The following CFAP251 variants were observed in gnomAD, a reference collection of about 807,000 sequenced individuals.
CFAP251 encodes cilia and flagella associated protein 251.
A neutral mutation model predicts 126.7 loss-of-function variants in CFAP251; 93 were observed. The observed-to-expected ratio is 0.73, with a 90% confidence interval of 0.62 to 0.87. The LOEUF is 0.87. Among genes scored for constraint, CFAP251 ranks in the 40% least tolerant of loss-of-function variants. The pLI, the probability that CFAP251 is intolerant of heterozygous loss-of-function variation, is 0.00. For synonymous variants in CFAP251, 503 were observed against 506.9 expected (o/e 0.99, Z 0.10); for missense variants, 1,287 against 1,389.2 (o/e 0.93, Z 1.17).
chr12:121,992,975 C>T (rs61952869), intron 19 of CFAP251, among the ~76,000 whole-genome samples: 1 of 121,128 alleles, frequency 8.3e-6, no homozygotes, highest in African/African-American at 3.3e-5. Context: ...CTCCCTCTCC[C>T]TCTCCGTCTC....
At chr12:121,927,602 CCT>C (rs918203219) in intron 3 of CFAP251, among the ~76,000 whole-genome samples, 20 of 152,130 alleles carry the variant, frequency 1.3e-4, no homozygotes, top group Admixed American at 4.6e-4. Context: ...CAGCCCACTT[CCT>C]CTTTTTAAAT....
intron 15 of CFAP251, among the ~76,000 whole-genome samples, chr12:121,962,423 A>C (rs1881972426): frequency 6.6e-6 from 1 of 152,140 alleles, no homozygotes; most frequent in South Asian, 2.1e-4. Context: ...GCTATCTCCT[A>C]TTCTCCTCTC....
chr12:121,951,336 C>T, intron 8 of CFAP251, 144 bp from the exon 9 acceptor site: 6 of 471,880 alleles, frequency 1.3e-5, no homozygotes, highest in East Asian at 6.1e-5. Flanking sequence ...TTAGATATTT[C>T]CCAAGACAGC....
intron 7 of CFAP251, 122 bp from the exon 8 acceptor site, chr12:121,948,860 GTA>G: frequency 1.8e-6 from 1 of 550,766 alleles, no homozygotes; most frequent in Non-Finnish European, 3.1e-6. Context: ...ACGAAATGCG[GTA>G]TCTTTTCTGT....
chr12:122,001,975 C>T (rs376703966), intron 21 of CFAP251: 111 of 237,342 alleles, frequency 4.7e-4, no homozygotes, highest in African/African-American at 2.2e-3. Context: ...GTAATTCCAG[C>T]ACTTTGGGAG....
chr12:121,993,912 C>T (rs1413671080), intron 19 of CFAP251, among the ~76,000 whole-genome samples: 25 of 109,872 alleles, frequency 2.3e-4, no homozygotes, highest in Admixed American at 6.0e-4. Flanking sequence ...TCTGCCCGGC[C>T]GCCCCTACTG....
chr12:121,960,867 G>T, intron 14 of CFAP251, 109 bp downstream of exon 14: 1 of 1,286,446 alleles, frequency 7.8e-7, no homozygotes, highest in East Asian at 2.4e-5. Context: ...GTTTGTTGGA[G>T]AAAATGAATG....
chr12:121,934,374 A>C lies in CFAP251; in HGVS notation c.998+18A>C. On this transcript the variant is annotated intron_variant, in intron 5 of 21. Coordinates refer to ENST00000288912, the MANE Select transcript of CFAP251 (RefSeq NM_144668.6). ...TTCACAGGGTAGGCTTTGTGTAGCC[A>C]CTTCTTTTTTCCCTGAATTTCTGTA... The C allele has an allele frequency of 6.3e-7, 1 of 1,585,038 alleles. No individual in the cohort carries two copies. The highest frequency in any genetic ancestry group is 1.7e-5 in the Admixed American group (1 of 59,334).
At position 121,964,258 on chromosome 12, in the gene CFAP251, C is replaced by T. The variant is rs577978015; in HGVS notation, c.2492+2096C>T. Among the ~76,000 whole-genome samples, 7 of 152,288 alleles carry T rather than the reference C, an allele frequency of 4.6e-5. No homozygotes were observed. The South Asian group carries it at 1.4e-3, about 32-fold the overall frequency. ...TTATGGTAGAGAGAAAAATCCAGGACAGTTTCCTTAAACGATTAAAACACT... is the reference window on the plus strand; with the variant it reads ...TTATGGTAGAGAGAAAAATCCAGGATAGTTTCCTTAAACGATTAAAACACT... On this transcript the variant is annotated intron_variant, in intron 15 of 21. Transcript: ENST00000288912.
intron 11 of CFAP251, 129 bp downstream of exon 11, chr12:121,957,397 T>C: frequency 1.0e-6 from 1 of 974,182 alleles, no homozygotes; most frequent in East Asian, 2.8e-5. Context: ...AACCACTGGA[T>C]CATTTAAAAA....
chr12:121,992,327 C>T (rs953364767), intron 19 of CFAP251: 27 of 985,228 alleles, frequency 2.7e-5, no homozygotes, highest in Non-Finnish European at 3.1e-5. Context: ...TCAGTGATGC[C>T]GAAGCTGCCA....
chr12:121,936,403 T>G (rs2135757265), intron 5 of CFAP251, among the ~76,000 whole-genome samples: 1 of 152,316 alleles, frequency 6.6e-6, no homozygotes, highest in South Asian at 2.1e-4. Flanking sequence ...GCCATGATCG[T>G]GCCATTGCAC....
In CFAP251 at chr12:121,923,965, A is replaced by G. The variant is rs368528812; in HGVS notation, c.722A>G (p.Asp241Gly). The G allele has an allele frequency of 8.4e-5, 135 of 1,612,288 alleles. No individual in the cohort carries two copies. The highest frequency in any genetic ancestry group is 1.1e-4 in the Non-Finnish European group (126 of 1,179,472). ...ACAGAGGACATTCTGTTTCAAAAGG[A>G]TAAAAGCACCCCGGTGTATCCCTTG... ...STTEDILFQK[D>G]KSTPVYPLTM... Residue 241 changes from aspartate (D) to glycine (G), a missense_variant, in exon 3 of 22, where the codon GAT (aspartate) becomes GGT (glycine). Asp to Gly is a moderately conservative substitution (Grantham distance 94). Coordinates refer to ENST00000288912, the MANE Select transcript of CFAP251 (RefSeq NM_144668.6).
At chr12:121,954,482 A>C (rs762854902) in intron 10 of CFAP251, 148 bp downstream of exon 10, 3 of 686,160 alleles carry the variant, frequency 4.4e-6, no homozygotes, top group Non-Finnish European at 7.0e-6. Context: ...CAGAAGTTCA[A>C]GACCAGCCTG....
chr12:121,943,124 C>A (rs758746472), intron 7 of CFAP251, 149 bp downstream of exon 7: 5 of 744,630 alleles, frequency 6.7e-6, no homozygotes, highest in Non-Finnish European at 8.9e-6. Context: ...GCCAGCCTGG[C>A]CAACACAGTG....
At chr12:121,928,642 A>ATATATATATATACGTATATATATACG (rs1880525183) in intron 3 of CFAP251, among the ~76,000 whole-genome samples, 2 of 30,036 alleles carry the variant, frequency 6.7e-5, no homozygotes, top group Non-Finnish European at 1.9e-4. Flanking sequence ...ATATACGTAT[A>ATATATATATATACGTATATATATACG]TATATATATA....
In CFAP251 at chr12:121,974,860, A is replaced by G. The variant is rs183781516; in HGVS notation, c.2772-384A>G. Among the ~76,000 whole-genome samples, 1 of 152,238 alleles carries G rather than the reference A, an allele frequency of 6.6e-6. No homozygotes were observed. Among genetic ancestry groups the G allele is most frequent in the Admixed American group, 6.5e-5 (1 of 15,270 alleles). On this transcript the variant is annotated intron_variant, in intron 17 of 21. Coordinates refer to ENST00000288912, the MANE Select transcript of CFAP251 (RefSeq NM_144668.6). This position sits in a 1 kb window ranked among gnomAD's most constrained non-coding sequence, Gnocchi z 4.6. ...ACAATATCCCATTCTTTTGACTCTG[A>G]TCGTTCGTGGATCTAAAGTTACGGG...
chr12:121,991,818 CCCT>C, intron 19 of CFAP251, among the ~76,000 whole-genome samples: 1 of 152,168 alleles, frequency 6.6e-6, no homozygotes, highest in Non-Finnish European at 1.5e-5. Context: ...ACAGTAGGAA[CCCT>C]GTTGCTACTA....
intron 19 of CFAP251, among the ~76,000 whole-genome samples, chr12:121,995,456 A>G (rs1188839467): frequency 6.6e-6 from 1 of 152,218 alleles, no homozygotes; most frequent in Non-Finnish European, 1.5e-5. Flanking sequence ...TGTATCAATT[A>G]CAGTTAATTT....
Sources: gnomAD v4.1 joint callset for allele counts (sites outside exome capture counted in the v4.1 genomes callset) on GRCh38, gnomAD v4.1.1 for gene constraint, Gnocchi (gnomAD v3.1) non-coding constraint, MANE v1.5 for transcripts, NCBI Gene and HGNC (gene_info 2026-07-23, HGNC 2026-07-21) for gene names.